MBD5: variants seen among roughly 807,000 people sequenced by gnomAD.
The protein encoded by MBD5 is methyl-CpG-binding domain protein 5.
Under a neutral mutation model 117.3 loss-of-function variants are expected in MBD5, and 13 were observed. The observed-to-expected ratio is 0.11, with a 90% CI of 0.07 to 0.18. The LOEUF (loss-of-function observed/expected upper bound fraction) is 0.18. Ranked by LOEUF, MBD5 falls within the 10% of genes least tolerant of loss-of-function variation. The probability of loss-of-function intolerance (pLI) is 1.00; values close to 1 mark genes in which losing one functional copy is unlikely to be tolerated. For missense variants in MBD5, 1,879 were observed against 2,093.8 expected, an observed-to-expected ratio of 0.90 and a Z score of 2.00; for synonymous variants, 727 against 766.4, an observed-to-expected ratio of 0.95 and a Z score of 0.85.
intron 3 of MBD5, among the ~76,000 whole-genome samples, chr2:148,336,268 C>T (rs1014315935): frequency 6.6e-6 from 1 of 152,196 alleles, no homozygotes; most frequent in Non-Finnish European, 1.5e-5. Context: ...CTGGTACCCC[C>T]ACCAATAACA....
At chr2:148,247,349 T>G (rs1383879415) in intron 3 of MBD5, among the ~76,000 whole-genome samples, 1 of 152,236 alleles carries the variant, frequency 6.6e-6, no homozygotes, top group Non-Finnish European at 1.5e-5. Context: ...TGAGCCATTT[T>G]GAATAAAATA....
chr2:148,062,566 A>G (rs528631261), intron 1 of MBD5: 9 of 152,176 alleles, frequency 5.9e-5, no homozygotes, highest in South Asian at 2.1e-4. Flanking sequence ...CAAGTAAACA[A>G]TGTTTTCTGA....
chr2:148,423,085 A>G (rs1461182185), intron 4 of MBD5, among the ~76,000 whole-genome samples: 1 of 152,130 alleles, frequency 6.6e-6, no homozygotes, highest in African/African-American at 2.4e-5. Flanking sequence ...AGAGAACACC[A>G]CAAAGATACT....
intron 4 of MBD5, among the ~76,000 whole-genome samples, chr2:148,449,429 T>C (rs1706660067): frequency 1.3e-5 from 2 of 151,950 alleles, no homozygotes; most frequent in Admixed American, 1.3e-4. Flanking sequence ...CTGGATATTA[T>C]ATGGGAGAAT....
chr2:148,208,197 C>T (rs1699332963), intron 2 of MBD5, among the ~76,000 whole-genome samples: 1 of 152,136 alleles, frequency 6.6e-6, no homozygotes, highest in African/African-American at 2.4e-5. Flanking sequence ...GGAATAAGGA[C>T]ACTCTACCTT....
intron 2 of MBD5, among the ~76,000 whole-genome samples, chr2:148,189,317 CA>C (rs938036113): frequency 1.3e-5 from 2 of 151,038 alleles, no homozygotes; most frequent in Non-Finnish European, 2.9e-5. Flanking sequence ...CACAGACAAA[CA>C]AAAAGACAGC....
chr2:148,136,230 T>C (rs1697169068), intron 1 of MBD5, among the ~76,000 whole-genome samples: 1 of 152,168 alleles, frequency 6.6e-6, no homozygotes, highest in African/African-American at 2.4e-5. Context: ...TTACGTGTAC[T>C]CTAATTGTGA....
intron 2 of MBD5, among the ~76,000 whole-genome samples, chr2:148,227,830 A>G (rs1699873514): frequency 6.6e-6 from 1 of 152,134 alleles, no homozygotes; most frequent in Non-Finnish European, 1.5e-5. Context: ...GGTCCTTCAC[A>G]TCCCTTGTAA....
At chr2:148,223,972 C>T (rs1223051821) in intron 2 of MBD5, among the ~76,000 whole-genome samples, 3 of 152,196 alleles carry the variant, frequency 2.0e-5, no homozygotes, top group Non-Finnish European at 4.4e-5. Flanking sequence ...TTAATTTCCT[C>T]ATTGACCCAC....
At chr2:148,093,684 C>A (rs1227352676) in intron 1 of MBD5, among the ~76,000 whole-genome samples, 2 of 151,884 alleles carry the variant, frequency 1.3e-5, no homozygotes, top group African/African-American at 4.8e-5. Context: ...CATTATTATT[C>A]TTAACTATAT....
At position 148,427,254 on chromosome 2, in the gene MBD5, G is replaced by A. The variant is rs1330075106; in HGVS notation, c.-556-30949G>A. The stretch of plus-strand genomic sequence containing the variant: ...TGGAAGTTGGCGTGGCGATTCCTCA[G>A]GGATCTAGAACTAGAAACACCATTC... On this transcript the variant is annotated intron_variant, in intron 4 of 13. Coordinates refer to ENST00000642680, the MANE Select transcript of MBD5 (RefSeq NM_001378120.1). 3.9e-5 allele frequency among the ~76,000 whole-genome samples: 6 copies of A among 152,228 alleles called. No homozygotes were observed. The East Asian group carries it at 1.2e-3, about 29-fold the overall frequency.
intron 2 of MBD5, among the ~76,000 whole-genome samples, chr2:148,180,064 G>A (rs1051359152): frequency 2.0e-5 from 3 of 151,828 alleles, no homozygotes; most frequent in African/African-American, 7.2e-5. Context: ...CTCTTAGAGT[G>A]CAAGTATTTA....
At chr2:148,511,727 G>T (rs555526732) in intron 13 of MBD5, among the ~76,000 whole-genome samples, 19 of 152,288 alleles carry the variant, frequency 1.2e-4, no homozygotes, top group African/African-American at 4.3e-4. Context: ...AAAAGTTTTG[G>T]CTCTTTACTA....
At chr2:148,350,870 A>G (rs971432658) in intron 4 of MBD5, among the ~76,000 whole-genome samples, 1 of 151,918 alleles carries the variant, frequency 6.6e-6, no homozygotes, top group African/African-American at 2.4e-5. Flanking sequence ...TTTTATATGC[A>G]ATGCTATTCT....
intron 3 of MBD5, among the ~76,000 whole-genome samples, chr2:148,241,950 A>T (rs1449127306): frequency 6.6e-6 from 1 of 152,074 alleles, no homozygotes; most frequent in Non-Finnish European, 1.5e-5. Context: ...CTTGAATTGG[A>T]ATTACTGGGT....
intron 2 of MBD5, among the ~76,000 whole-genome samples, chr2:148,188,704 T>C (rs918395877): frequency 9.8e-5 from 11 of 112,146 alleles, no homozygotes; most frequent in African/African-American, 2.9e-4. Flanking sequence ...AAAAAAAAAA[T>C]CAATCATTTC....
intron 3 of MBD5, among the ~76,000 whole-genome samples, chr2:148,283,829 C>T (rs1020769222): frequency 2.0e-5 from 3 of 152,214 alleles, no homozygotes; most frequent in Admixed American, 6.5e-5. Flanking sequence ...CATAGCTACA[C>T]TCAGCTGCTT....
rs1330760432 is a variant in MBD5 at position 148,083,691 on chromosome 2, G to A, written c.-925+62007G>A. Among the ~76,000 whole-genome samples the A allele has an allele frequency of 3.3e-5, 5 of 152,068 alleles. 1 individual carries two copies. The South Asian group carries it at 1.0e-3, about 32-fold the overall frequency. On this transcript the variant is annotated intron_variant, in intron 1 of 13. Transcript: ENST00000642680. The stretch of plus-strand genomic sequence containing the variant: ...CATCCAGGCTGTAGTGCAGTCGCGC[G>A]ATCTTGGCTCACTGCAACCTCTGCC...
chr2:148,213,714 A>T (rs1002573128), intron 2 of MBD5, among the ~76,000 whole-genome samples: 1 of 152,194 alleles, frequency 6.6e-6, no homozygotes, highest in African/African-American at 2.4e-5. Flanking sequence ...CTTTTAACGT[A>T]TTTGAGACTT....
Sources: gnomAD v4.1 joint callset for allele counts (sites outside exome capture counted in the v4.1 genomes callset) on GRCh38, gnomAD v4.1.1 for gene constraint, MANE v1.5 for transcripts, NCBI Gene and HGNC (gene_info 2026-07-23, HGNC 2026-07-21) for gene names.